The following DNAH6 variants were observed in gnomAD, a reference collection of about 807,000 sequenced individuals.
DNAH6 encodes axonemal beta dynein heavy chain 6.
DNAH6 carries 340 observed loss-of-function variants against 491.4 expected under a neutral mutation model. That is an observed-to-expected ratio of 0.69 (90% CI 0.63 to 0.76). The LOEUF (loss-of-function observed/expected upper bound fraction) is 0.76, where lower values mean the gene tolerates loss of function less well. Among genes scored for constraint, DNAH6 ranks in the 30% least tolerant of loss-of-function variants. The pLI is 0.00. For missense variants in DNAH6, 4,443 were observed against 4,972.2 expected, an observed-to-expected ratio of 0.89 and a Z score of 3.20; for synonymous variants, 1,603 against 1,686.1, an observed-to-expected ratio of 0.95 and a Z score of 1.21.
At chr2:84,709,653 A>G in intron 55 of DNAH6, 107 bp downstream of exon 55, 1 of 1,214,784 alleles carries the variant, frequency 8.2e-7, no homozygotes, top group African/African-American at 1.5e-5. Context: ...TTTAGATTTA[A>G]CATACATGGA....
chr2:84,762,199 A>G (rs1573733422), intron 63 of DNAH6, among the ~76,000 whole-genome samples: 1 of 152,166 alleles, frequency 6.6e-6, no homozygotes, highest in Non-Finnish European at 1.5e-5. Context: ...GAGGCTGGTG[A>G]GTGAATGAGA....
chr2:84,465,474 G>A, the DNAH6 span, among the ~76,000 whole-genome samples: 1 of 151,896 alleles, frequency 6.6e-6, no homozygotes, highest in Non-Finnish European at 1.5e-5. Flanking sequence ...CAGCCTGGGC[G>A]ACAGAGTGAG....
intron 68 of DNAH6, among the ~76,000 whole-genome samples, chr2:84,787,977 C>T (rs1023032022): frequency 1.3e-5 from 2 of 151,776 alleles, no homozygotes; most frequent in Non-Finnish European, 2.9e-5. Flanking sequence ...GAAAGGAAAT[C>T]GATGATTTTC....
At chr2:84,729,479 G>T (rs1352511202) in intron 61 of DNAH6, among the ~76,000 whole-genome samples, 1 of 152,096 alleles carries the variant, frequency 6.6e-6, no homozygotes, top group Non-Finnish European at 1.5e-5. Flanking sequence ...CAACAGCTCT[G>T]CTTACAGTTT....
chr2:84,478,252 G>A, the DNAH6 span, among the ~76,000 whole-genome samples: 1 of 152,224 alleles, frequency 6.6e-6, no homozygotes, highest in Non-Finnish European at 1.5e-5. Flanking sequence ...TTCATCTGAA[G>A]TGCAGCCTCC....
chr2:84,510,221 G>A, the DNAH6 span, among the ~76,000 whole-genome samples: 21 of 152,296 alleles, frequency 1.4e-4, no homozygotes, highest in South Asian at 3.7e-3. Context: ...AAAATCAGAC[G>A]TAGATTTGGT....
At chr2:84,523,895 T>C (rs1482665938) in intron 2 of DNAH6, among the ~76,000 whole-genome samples, 1 of 151,832 alleles carries the variant, frequency 6.6e-6, no homozygotes, top group Non-Finnish European at 1.5e-5. Context: ...CTTTAGAAGA[T>C]GTGGCAATGA....
rs1686810942 is a variant in DNAH6 at position 84,615,907 on chromosome 2, T to C, written c.3476-979T>C. 5.3e-5 allele frequency among the ~76,000 whole-genome samples: 8 copies of C among 152,190 alleles called. No homozygotes were observed. In the South Asian group the frequency reaches 1.7e-3, roughly 32 times the overall value. ...ATTTGAGTACATTAATTTTGTATCCTGAAACTTTGCTGAATTCATTGATCA... is the reference window on the plus strand; with the variant it reads ...ATTTGAGTACATTAATTTTGTATCCCGAAACTTTGCTGAATTCATTGATCA... On this transcript the variant is annotated intron_variant, in intron 22 of 76. Transcript: ENST00000389394.
rs1309526317 is a variant in DNAH6, at chr2:84,588,810, T to A, written c.2482-16T>A. The A allele has an allele frequency of 1.5e-5, 22 of 1,507,744 alleles. No individual in the cohort carries two copies. The highest frequency in any genetic ancestry group is 1.9e-5 in the Non-Finnish European group (22 of 1,129,462). The allele number at this position is 1,507,744 out of a possible 1,614,324, so 93.4% of individuals were successfully genotyped here. A position where few individuals can be genotyped will look rare whatever the true frequency, so the allele number is the denominator to read the frequency against. On this transcript the variant is annotated splice_polypyrimidine_tract_variant and intron_variant, in intron 15 of 76. Transcript: ENST00000389394. ...AAAGCAGGAATGGCTAACCAAAAAC[T>A]GTCTTAAATTTATAGGATCCACAGA...
intron 46 of DNAH6, among the ~76,000 whole-genome samples, chr2:84,696,072 T>C (rs991449987): frequency 6.6e-6 from 1 of 151,790 alleles, no homozygotes; most frequent in African/African-American, 2.4e-5. Flanking sequence ...AAAAATAGAG[T>C]TTAATTGGCT....
Position 84,705,727 on chromosome 2 carries a change from C to A in DNAH6, c.8707C>A (p.Gln2903Lys). 1 of 1,550,534 alleles carries A rather than the reference C, an allele frequency of 6.4e-7. No homozygotes were observed. The highest frequency in any genetic ancestry group is 1.4e-5 in the African/African-American group (1 of 72,944). Residue 2903 changes from glutamine (Q) to lysine (K), a missense_variant, in exon 52 of 77, where the codon CAA becomes AAA. Gln to Lys is a moderately conservative substitution (Grantham distance 53). Transcript: ENST00000389394. Reference sequence around the variant, plus strand: ...GGTCAAGGTCGTCGAACCAAAAAGACAAAAGCTCCGCGCCGCACAGGTACA... The same window carrying A: ...GGTCAAGGTCGTCGAACCAAAAAGAAAAAAGCTCCGCGCCGCACAGGTACA... ...RVVKVVEPKR[Q>K]KLRAAQAELD...
At chr2:84,527,750 T>C (rs1454868692) in intron 3 of DNAH6, among the ~76,000 whole-genome samples, 1 of 152,180 alleles carries the variant, frequency 6.6e-6, no homozygotes, top group African/African-American at 2.4e-5. Context: ...CAAACTGCTA[T>C]TGGACAAAGT....
At chr2:84,691,015 CT>C (rs1165736334) in intron 45 of DNAH6, among the ~76,000 whole-genome samples, 1 of 152,190 alleles carries the variant, frequency 6.6e-6, no homozygotes, top group Non-Finnish European at 1.5e-5. Context: ...TTGTATGCCC[CT>C]AACGTTGTCA....
intron 68 of DNAH6, among the ~76,000 whole-genome samples, chr2:84,788,390 T>C (rs1233874485): frequency 6.6e-6 from 1 of 152,214 alleles, no homozygotes; most frequent in Non-Finnish European, 1.5e-5. Flanking sequence ...CAGACTGGTC[T>C]GTAGATTTAA....
At chr2:84,696,276 G>A (rs987973262) in intron 46 of DNAH6, among the ~76,000 whole-genome samples, 9 of 151,648 alleles carry the variant, frequency 5.9e-5, no homozygotes, top group African/African-American at 2.2e-4. Flanking sequence ...ATTGTTAAAA[G>A]CATAAGCTGT....
chr2:84,754,195 T>C (rs1673771215), intron 63 of DNAH6, among the ~76,000 whole-genome samples: 1 of 151,560 alleles, frequency 6.6e-6, no homozygotes, highest in African/African-American at 2.4e-5. Flanking sequence ...TTTCTTTTCT[T>C]TTTGACGGAG....
chr2:84,696,167 A>G (rs6735200), intron 46 of DNAH6, among the ~76,000 whole-genome samples: 204 of 151,980 alleles, frequency 1.3e-3, no homozygotes, highest in African/African-American at 4.8e-3. Context: ...ATAGCTATAT[A>G]CTATATTTCA....
rs140837015 is a variant in DNAH6, at chr2:84,733,523, C to T, written c.10286C>T (p.Pro3429Leu). 3.8e-5 allele frequency: 59 copies of T among 1,551,600 alleles called. No homozygotes were observed. In the African/African-American group the frequency reaches 7.8e-4, roughly 20 times the overall value. The change falls in exon 62 of 77, where the codon CCA (proline) becomes CTA (leucine). Residue 3429 changes from proline to leucine, a missense_variant. Physicochemically the swap from Pro to Leu is moderately conservative, Grantham distance 98. Coordinates refer to ENST00000389394, the MANE Select transcript of DNAH6 (RefSeq NM_001370.2). ...FACCDLEESF[P>L]VFHGLTQNIL... Reference sequence around the variant, plus strand: ...TGCTGTGACTTGGAAGAATCATTTCCAGTTTTTCACGGACTTACCCAAAAT... The same window carrying T: ...TGCTGTGACTTGGAAGAATCATTTCTAGTTTTTCACGGACTTACCCAAAAT...
chr2:84,532,051 A>G (rs1677228859), intron 4 of DNAH6, among the ~76,000 whole-genome samples: 1 of 152,190 alleles, frequency 6.6e-6, no homozygotes, highest in Non-Finnish European at 1.5e-5. Context: ...CCCAGATATC[A>G]AAGAGTACTA....
Sources: allele counts gnomAD v4.1 joint callset (sites outside exome capture counted in the v4.1 genomes callset), GRCh38; gene constraint gnomAD v4.1.1; transcripts MANE v1.5; gene names NCBI Gene and HGNC (gene_info 2026-07-23, HGNC 2026-07-21).